INSL6: variants seen among roughly 807,000 people sequenced by gnomAD.
INSL6 encodes the protein insulin like 6.
A neutral mutation model predicts 9.4 loss-of-function variants in INSL6; 16 were observed. That is an observed-to-expected ratio of 1.70 (90% CI 1.15 to 2.59). INSL6 has a LOEUF of 2.59. INSL6 is among the 30% of genes most tolerant of loss of function. The probability of loss-of-function intolerance (pLI) is 0.00; values close to 1 mark genes in which losing one functional copy is unlikely to be tolerated. For missense variants in INSL6, 391 were observed against 257.3 expected, an observed-to-expected ratio of 1.52 and a Z score of -3.56; for synonymous variants, 154 against 96.9, an observed-to-expected ratio of 1.59 and a Z score of -3.46.
chr9:5,074,268 T>A, the INSL6 span, among the ~76,000 whole-genome samples: 1 of 152,184 alleles, frequency 6.6e-6, no homozygotes, highest in East Asian at 1.9e-4. Context: ...TCGTACCCCA[T>A]GCTTTAATAC....
At chr9:5,082,178 C>T in the INSL6 span, among the ~76,000 whole-genome samples, 4 of 152,120 alleles carry the variant, frequency 2.6e-5, no homozygotes, top group African/African-American at 7.2e-5. Flanking sequence ...ATGGAGGACC[C>T]GCACCAACAC....
At chr9:5,057,302 T>A in the INSL6 span, among the ~76,000 whole-genome samples, 505 of 152,258 alleles carry the variant, frequency 3.3e-3, 1 homozygote, top group South Asian at 4.8e-3. Context: ...ATTATTGCAT[T>A]TTCCCAGTGT....
chr9:5,088,612 A>G, the INSL6 span, among the ~76,000 whole-genome samples: 1 of 152,218 alleles, frequency 6.6e-6, no homozygotes, highest in Non-Finnish European at 1.5e-5. Flanking sequence ...TGGCTGCTAT[A>G]ACAAAATACC....
the INSL6 span, among the ~76,000 whole-genome samples, chr9:5,067,125 T>C: frequency 6.6e-6 from 1 of 152,198 alleles, no homozygotes. Flanking sequence ...TGCCACATCA[T>C]GTAGAACAAA....
the INSL6 span, among the ~76,000 whole-genome samples, chr9:5,059,112 T>TA: frequency 6.6e-6 from 1 of 152,212 alleles, no homozygotes; most frequent in African/African-American, 2.4e-5. Flanking sequence ...ACACTAATCT[T>TA]ACGTGTATAG....
chr9:5,120,119 G>C (rs1227014633), downstream of INSL6, among the ~76,000 whole-genome samples: 1 of 152,234 alleles, frequency 6.6e-6, no homozygotes, highest in Non-Finnish European at 1.5e-5. Context: ...TCTGGTGAGA[G>C]CTGCTCTCTT....
At chr9:5,110,000 C>T in the INSL6 span, 38,096 of 152,094 alleles carry the variant, frequency 0.25, 5,125 homozygotes, top group South Asian at 0.3. Flanking sequence ...GCATCGGCGA[C>T]ATTGGTTTTA....
chr9:5,135,584 GA>G (rs1824374340), intron 2 of INSL6, among the ~76,000 whole-genome samples: 1 of 152,090 alleles, frequency 6.6e-6, no homozygotes, highest in South Asian at 2.1e-4. Context: ...TAAGAACAAA[GA>G]AACAATGTAC....
downstream of INSL6, among the ~76,000 whole-genome samples, chr9:5,120,720 A>C (rs781734262): frequency 1.3e-5 from 2 of 152,194 alleles, no homozygotes; most frequent in Non-Finnish European, 2.9e-5. Flanking sequence ...AAACTGTAAC[A>C]ATGGGTTAGG....
chr9:5,129,376 T>G (rs531471923), intron 3 of INSL6, among the ~76,000 whole-genome samples: 74 of 152,212 alleles, frequency 4.9e-4, no homozygotes, highest in African/African-American at 1.7e-3. Flanking sequence ...TACCTTCCAG[T>G]TTTTAAGAAA....
In INSL6 at chr9:5,185,551, G is replaced by A. The variant is rs757105790; in HGVS notation, c.52C>T (p.Arg18Trp). The A allele has an allele frequency of 2.2e-5, 36 of 1,613,740 alleles. No homozygotes were observed. The highest frequency in any genetic ancestry group is 2.8e-5 in the Non-Finnish European group (33 of 1,179,980). ...ATGTCGCTCAGTTCACGAGAAAACC[G>A]AACCAGCAGGAGTCCAAGCCACAGC... ...SLLWLGLLLV[R>W]FSRELSDISS... The change falls in exon 1 of 2, where the codon CGG becomes TGG. Residue 18 changes from arginine to tryptophan, a missense_variant. By Grantham distance (101) the Arg-to-Trp change is moderately radical (BLOSUM62 -3). Coordinates refer to ENST00000381641, the MANE Select transcript of INSL6 (RefSeq NM_007179.3).
intron 2 of INSL6, among the ~76,000 whole-genome samples, chr9:5,141,900 G>C (rs958216617): frequency 6.6e-6 from 1 of 152,162 alleles, no homozygotes; most frequent in African/African-American, 2.4e-5. Context: ...TTTGTATATG[G>C]TGTAAGGAAG....
At chr9:5,013,486 C>T in the INSL6 span, among the ~76,000 whole-genome samples, 1 of 152,120 alleles carries the variant, frequency 6.6e-6, no homozygotes, top group Admixed American at 6.5e-5. Flanking sequence ...ACTCCATTGC[C>T]TTTTGGGACA....
chr9:5,050,252 C>G, the INSL6 span, among the ~76,000 whole-genome samples: 1 of 152,068 alleles, frequency 6.6e-6, no homozygotes, highest in Non-Finnish European at 1.5e-5. Flanking sequence ...AAAATTGTAT[C>G]GCAAAATGAA....
At chr9:5,131,384 T>C (rs961082853) in intron 3 of INSL6, among the ~76,000 whole-genome samples, 6 of 151,890 alleles carry the variant, frequency 4.0e-5, no homozygotes, top group Admixed American at 2.0e-4. Context: ...AAAGACTTCA[T>C]CTTGATTTTT....
intron 3 of INSL6, chr9:5,125,841 A>T (rs917342559): frequency 7.0e-6 from 1 of 142,778 alleles, no homozygotes; most frequent in African/African-American, 2.7e-5. Flanking sequence ...TTTTTTCCCA[A>T]TTTATAAGAG....
At chr9:5,135,552 T>C (rs993400740) in intron 2 of INSL6, among the ~76,000 whole-genome samples, 2 of 152,130 alleles carry the variant, frequency 1.3e-5, no homozygotes, top group Non-Finnish European at 2.9e-5. Context: ...AAGGCAGATA[T>C]AAAGATGTTC....
At chr9:5,009,294 G>A in the INSL6 span, among the ~76,000 whole-genome samples, 1 of 152,080 alleles carries the variant, frequency 6.6e-6, no homozygotes, top group East Asian at 1.9e-4. Context: ...GAAAAATACT[G>A]CTTCATGATA....
chr9:5,178,576 T>C (rs1018394240), intron 1 of INSL6, among the ~76,000 whole-genome samples: 3 of 152,150 alleles, frequency 2.0e-5, no homozygotes, highest in Non-Finnish European at 2.9e-5. Context: ...ATCTCTGTGG[T>C]TTCCTACATC....
Sources: allele counts gnomAD v4.1 joint callset (sites outside exome capture counted in the v4.1 genomes callset), GRCh38; gene constraint gnomAD v4.1.1; transcripts MANE v1.5; gene names NCBI Gene and HGNC (gene_info 2026-07-23, HGNC 2026-07-21).